The following FGGY variants were observed in gnomAD, a reference collection of about 807,000 sequenced individuals.
FGGY encodes FGGY carbohydrate kinase domain containing.
FGGY carries 72 observed loss-of-function variants against 71.3 expected under a neutral mutation model. The observed-to-expected ratio is 1.01, with a 90% CI of 0.84 to 1.23. The LOEUF is 1.23. Among genes scored for constraint, FGGY ranks in the 50% most tolerant of loss-of-function variants. The pLI is 0.00. For synonymous variants in FGGY, 251 were observed against 250.3 expected, an observed-to-expected ratio of 1.00 and a Z score of -0.02; for missense variants, 668 against 682.3, an observed-to-expected ratio of 0.98 and a Z score of 0.23.
At chr1:59,646,187 A>G (rs1425395675) in intron 11 of FGGY, among the ~76,000 whole-genome samples, 2 of 152,262 alleles carry the variant, frequency 1.3e-5, no homozygotes, top group Non-Finnish European at 2.9e-5. Context: ...GAGATGGATG[A>G]TAGAGCTGGA....
At chr1:59,577,982 C>T (rs2096114093) in intron 8 of FGGY, among the ~76,000 whole-genome samples, 1 of 152,154 alleles carries the variant, frequency 6.6e-6, no homozygotes, top group South Asian at 2.1e-4. Context: ...GAACAGGCCC[C>T]AGAGCCCAGA....
chr1:59,471,561 C>T (rs527305173), intron 6 of FGGY, among the ~76,000 whole-genome samples: 2 of 152,158 alleles, frequency 1.3e-5, no homozygotes, highest in Non-Finnish European at 2.9e-5. Flanking sequence ...AAGTACCTAT[C>T]CTCTGAGTAT....
chr1:59,453,514 T>C (rs2091397434), intron 5 of FGGY, among the ~76,000 whole-genome samples: 1 of 152,202 alleles, frequency 6.6e-6, no homozygotes, highest in Admixed American at 6.5e-5. Context: ...TCCTAGGTGA[T>C]CCTTCTGGTC....
chr1:59,741,468 A>G (rs1432036996), intron 14 of FGGY, among the ~76,000 whole-genome samples: 2 of 152,152 alleles, frequency 1.3e-5, no homozygotes, highest in South Asian at 2.1e-4. Flanking sequence ...AGAGGCCACT[A>G]TGCTTCCTGT....
intron 6 of FGGY, among the ~76,000 whole-genome samples, chr1:59,508,206 A>G (rs1472371692): frequency 2.0e-5 from 3 of 152,208 alleles, no homozygotes; most frequent in Non-Finnish European, 4.4e-5. Flanking sequence ...AACACCATGT[A>G]CACATTTCAC....
At chr1:59,610,848 G>A (rs907234045) in intron 9 of FGGY, among the ~76,000 whole-genome samples, 2 of 152,210 alleles carry the variant, frequency 1.3e-5, no homozygotes, top group African/African-American at 4.8e-5. Context: ...TTAGCAAACG[G>A]CACACCAGGA....
At chr1:59,417,919 A>G (rs1318760084) in intron 5 of FGGY, among the ~76,000 whole-genome samples, 4 of 152,214 alleles carry the variant, frequency 2.6e-5, no homozygotes, top group Admixed American at 6.5e-5. Context: ...GTGTGTGGAT[A>G]GTGGCTATGT....
chr1:59,398,210 C>A (rs2061543583), intron 5 of FGGY, among the ~76,000 whole-genome samples: 1 of 151,880 alleles, frequency 6.6e-6, no homozygotes, highest in Non-Finnish European at 1.5e-5. Flanking sequence ...TCAATTTTGT[C>A]TAATTATTGT....
intron 8 of FGGY, among the ~76,000 whole-genome samples, chr1:59,564,355 A>T (rs1297173434): frequency 3.3e-5 from 5 of 149,436 alleles, no homozygotes; most frequent in African/African-American, 1.3e-4. Context: ...CTCTAACCAC[A>T]GAAAAGCCAC....
intron 8 of FGGY, among the ~76,000 whole-genome samples, chr1:59,570,759 G>A (rs573504970): frequency 6.6e-6 from 1 of 152,300 alleles, no homozygotes; most frequent in Admixed American, 6.5e-5. Context: ...CTGAAGTGCA[G>A]TGTTTAATCC....
At chr1:59,379,995 T>TC (rs2059195139) in intron 5 of FGGY, among the ~76,000 whole-genome samples, 1 of 152,110 alleles carries the variant, frequency 6.6e-6, no homozygotes, top group Admixed American at 6.6e-5. Flanking sequence ...CCTTCCTGTG[T>TC]CCATGTGTTC....
intron 12 of FGGY, among the ~76,000 whole-genome samples, chr1:59,662,450 G>A (rs190782516): frequency 1.3e-5 from 2 of 152,256 alleles, no homozygotes; most frequent in East Asian, 3.9e-4. Context: ...CTAAGGCTCT[G>A]TGTGATTAAT....
At chr1:59,334,112 C>G (rs1322956009) in intron 2 of FGGY, among the ~76,000 whole-genome samples, 7 of 152,068 alleles carry the variant, frequency 4.6e-5, no homozygotes. Flanking sequence ...TGCTGTTCAC[C>G]CTTTCCCTCG....
At chr1:59,722,932 G>A (rs946058949) in intron 14 of FGGY, among the ~76,000 whole-genome samples, 1 of 152,182 alleles carries the variant, frequency 6.6e-6, no homozygotes, top group Non-Finnish European at 1.5e-5. Flanking sequence ...GAGTAGCTGG[G>A]ACTACAGGCA....
chr1:59,596,896 A>AT (rs1250341197), intron 8 of FGGY, among the ~76,000 whole-genome samples: 18 of 152,050 alleles, frequency 1.2e-4, no homozygotes, highest in Admixed American at 1.0e-3. Flanking sequence ...ACTTCCTCCC[A>AT]TCCAGCCATC....
intron 6 of FGGY, among the ~76,000 whole-genome samples, chr1:59,508,027 C>T (rs920900986): frequency 2.0e-5 from 3 of 152,134 alleles, no homozygotes; most frequent in African/African-American, 7.2e-5. Flanking sequence ...GGGCTCCCTA[C>T]AGGAAACTCA....
intron 5 of FGGY, among the ~76,000 whole-genome samples, chr1:59,446,618 G>A (rs1449382114): frequency 6.6e-6 from 1 of 152,152 alleles, no homozygotes; most frequent in Non-Finnish European, 1.5e-5. Context: ...CTCCCAATGA[G>A]CTGTATCTTC....
intron 5 of FGGY, among the ~76,000 whole-genome samples, chr1:59,445,495 A>G (rs1407668738): frequency 6.6e-6 from 1 of 152,138 alleles, no homozygotes; most frequent in South Asian, 2.1e-4. Context: ...ATAATTTTGA[A>G]TATTTTACTC....
chr1:59,594,359 G>A (rs190940083), intron 8 of FGGY, among the ~76,000 whole-genome samples: 1 of 152,344 alleles, frequency 6.6e-6, no homozygotes, highest in East Asian at 1.9e-4. Context: ...TGTGAAGGCA[G>A]TATGTAGGGT....
Sources: allele counts gnomAD v4.1 joint callset (sites outside exome capture counted in the v4.1 genomes callset), GRCh38; gene constraint gnomAD v4.1.1; transcripts MANE v1.5; gene names NCBI Gene and HGNC (gene_info 2026-07-23, HGNC 2026-07-21).